The following MARCHF3 variants were observed in gnomAD, a reference collection of about 807,000 sequenced individuals.
The protein encoded by MARCHF3 is membrane associated ring-CH-type finger 3, also known as E3 ubiquitin-protein ligase MARCHF3.
Under a neutral mutation model 24.2 loss-of-function variants are expected in MARCHF3, and 13 were observed. The observed-to-expected ratio is 0.54, with a 90% CI of 0.35 to 0.85. MARCHF3 has a LOEUF of 0.85. Among genes scored for constraint, MARCHF3 ranks in the 40% least tolerant of loss-of-function variants. MARCHF3 has a pLI of 0.01. For synonymous variants in MARCHF3, 144 were observed against 137.3 expected (o/e 1.05, Z -0.34); for missense variants, 276 against 325.0 (o/e 0.85, Z 1.16).
intron 1 of MARCHF3, among the ~76,000 whole-genome samples, chr5:126,947,837 C>T (rs1249152695): frequency 6.6e-6 from 1 of 151,432 alleles, no homozygotes; most frequent in Non-Finnish European, 1.5e-5. Context: ...CAGGCAGTCA[C>T]TGAAACTGCA....
intron 1 of MARCHF3, among the ~76,000 whole-genome samples, chr5:126,948,612 T>C (rs562019611): frequency 3.3e-5 from 5 of 152,316 alleles, no homozygotes; most frequent in African/African-American, 1.2e-4. Flanking sequence ...GAGTTCTGTA[T>C]AGTGATCCTT....
chr5:127,023,790 TA>T (rs1002108479), intron 1 of MARCHF3, among the ~76,000 whole-genome samples: 56 of 150,266 alleles, frequency 3.7e-4, no homozygotes, highest in Middle Eastern at 3.4e-3. Context: ...AAATAAAAAA[TA>T]AAAAAAGGTT....
chr5:126,900,241 G>A (rs1754059350), intron 3 of MARCHF3, among the ~76,000 whole-genome samples: 1 of 152,090 alleles, frequency 6.6e-6, no homozygotes, highest in Non-Finnish European at 1.5e-5. Context: ...ATGCCAATGA[G>A]CAAATGCAAG....
At chr5:126,934,455 T>C (rs1749574809) in intron 1 of MARCHF3, among the ~76,000 whole-genome samples, 1 of 152,098 alleles carries the variant, frequency 6.6e-6, no homozygotes, top group Admixed American at 6.5e-5. Flanking sequence ...TGCATGAATT[T>C]TGGATAATCC....
At chr5:126,992,864 C>T (rs551996158) in intron 1 of MARCHF3, among the ~76,000 whole-genome samples, 5 of 150,662 alleles carry the variant, frequency 3.3e-5, no homozygotes, top group Non-Finnish European at 7.4e-5. Flanking sequence ...CTCCGCCTTC[C>T]GGGTTCACGC....
chr5:126,899,185 C>T, intron 3 of MARCHF3: 1 of 985,302 alleles, frequency 1.0e-6, no homozygotes. Context: ...CAGAAACATA[C>T]ATTCCATGAA....
chr5:126,891,364 A>G (rs1375213979), intron 3 of MARCHF3, among the ~76,000 whole-genome samples: 3 of 103,780 alleles, frequency 2.9e-5, no homozygotes, highest in African/African-American at 4.3e-5. Context: ...GTCCTTGCCC[A>G]TGCCTATGTC....
intron 1 of MARCHF3, among the ~76,000 whole-genome samples, chr5:126,933,461 T>C (rs1230244288): frequency 1.3e-5 from 2 of 151,746 alleles, no homozygotes; most frequent in African/African-American, 2.4e-5. Flanking sequence ...TTTTTTTTTT[T>C]TGAGACAGAG....
At chr5:126,871,601 A>C (rs1186179315) in intron 4 of MARCHF3, among the ~76,000 whole-genome samples, 1 of 152,140 alleles carries the variant, frequency 6.6e-6, no homozygotes, top group Non-Finnish European at 1.5e-5. Flanking sequence ...ACCTGTTACA[A>C]TGTCTTGCAC....
intron 1 of MARCHF3, among the ~76,000 whole-genome samples, chr5:126,938,438 G>C (rs1749719207): frequency 6.6e-6 from 1 of 151,724 alleles, no homozygotes; most frequent in Admixed American, 6.6e-5. Flanking sequence ...AGAGTGCTGG[G>C]ATTACAAGTG....
At chr5:126,925,035 G>A (rs1038143213) in intron 1 of MARCHF3, among the ~76,000 whole-genome samples, 2 of 152,152 alleles carry the variant, frequency 1.3e-5, no homozygotes, top group Non-Finnish European at 2.9e-5. Flanking sequence ...ACACTGGCCA[G>A]CCCAATGAAT....
At chr5:126,955,878 A>C (rs564264730) in intron 1 of MARCHF3, among the ~76,000 whole-genome samples, 2 of 152,328 alleles carry the variant, frequency 1.3e-5, no homozygotes, top group East Asian at 3.9e-4. Context: ...TCTTCCCCAC[A>C]GTCATAAAGA....
intron 1 of MARCHF3, among the ~76,000 whole-genome samples, chr5:126,923,937 C>G (rs1749212628): frequency 6.7e-6 from 1 of 150,158 alleles, no homozygotes; most frequent in Non-Finnish European, 1.5e-5. Context: ...ATCCTTCCAT[C>G]CATTCACTAT....
At chr5:126,976,499 G>T (rs911168090) in intron 1 of MARCHF3, among the ~76,000 whole-genome samples, 1 of 152,062 alleles carries the variant, frequency 6.6e-6, no homozygotes, top group African/African-American at 2.4e-5. Flanking sequence ...ACCCTCTACT[G>T]GGGCACTCAG....
chr5:127,010,904 A>G (rs1580485025), intron 1 of MARCHF3, among the ~76,000 whole-genome samples: 1 of 152,098 alleles, frequency 6.6e-6, no homozygotes, highest in African/African-American at 2.4e-5. Context: ...GGAGCTTGGG[A>G]GTTTTGTAAG....
At chr5:126,895,202 T>A (rs1475727028) in intron 3 of MARCHF3, among the ~76,000 whole-genome samples, 1 of 152,102 alleles carries the variant, frequency 6.6e-6, no homozygotes, top group East Asian at 1.9e-4. Flanking sequence ...ATTCCTGTTA[T>A]ACATTCTTCT....
chr5:126,891,993 G>A (rs1753708669), intron 3 of MARCHF3, among the ~76,000 whole-genome samples: 1 of 151,644 alleles, frequency 6.6e-6, no homozygotes, highest in African/African-American at 2.4e-5. Context: ...TCTCCTTGAA[G>A]AGGTCCTTCA....
At chr5:126,880,849 T>C (rs1753318898) in intron 3 of MARCHF3, among the ~76,000 whole-genome samples, 2 of 152,224 alleles carry the variant, frequency 1.3e-5, no homozygotes, top group African/African-American at 2.4e-5. Flanking sequence ...CAGTAGGCCC[T>C]GAACACATAT....
chr5:126,880,157 CCCAA>C (rs890714726), intron 3 of MARCHF3, among the ~76,000 whole-genome samples: 6 of 151,990 alleles, frequency 3.9e-5, no homozygotes, highest in African/African-American at 1.4e-4. Flanking sequence ...CTGGCAAAAC[CCCAA>C]TGAGTGAGTA....
Sources: gnomAD v4.1 joint callset for allele counts (sites outside exome capture counted in the v4.1 genomes callset) on GRCh38, gnomAD v4.1.1 for gene constraint, MANE v1.5 for transcripts, NCBI Gene and HGNC (gene_info 2026-07-23, HGNC 2026-07-21) for gene names.